The following EPCIP variants were observed in gnomAD, a reference collection of about 807,000 sequenced individuals.
EPCIP encodes the protein exosomal polycystin 1 interacting protein.
chr21:32,793,085 G>A, the EPCIP span, among the ~76,000 whole-genome samples: 2 of 151,946 alleles, frequency 1.3e-5, no homozygotes, highest in Non-Finnish European at 2.9e-5. Context: ...CAGCCTCCGA[G>A]TAGCTGGGAT....
chr21:32,796,034 C>CTCCTTCCTTCCT, the EPCIP span, among the ~76,000 whole-genome samples: 31 of 148,452 alleles, frequency 2.1e-4, no homozygotes, highest in African/African-American at 7.0e-4. Flanking sequence ...CCTTCCTTCC[C>CTCCTTCCTTCCT]TCCTTCCTTC....
chr21:32,805,709 C>T, the EPCIP span, among the ~76,000 whole-genome samples: 8 of 152,122 alleles, frequency 5.3e-5, no homozygotes, highest in Admixed American at 1.3e-4. Flanking sequence ...AATACAGAGA[C>T]GGTGAGGAAA....
chr21:32,791,283 T>A, the EPCIP span: 8 of 152,226 alleles, frequency 5.3e-5, no homozygotes, highest in Non-Finnish European at 1.2e-4. Context: ...TCACAAGTAT[T>A]TCTCAAAAGA....
At chr21:32,809,184 T>TGC in the EPCIP span, among the ~76,000 whole-genome samples, 1 of 106,758 alleles carries the variant, frequency 9.4e-6, no homozygotes, top group East Asian at 2.4e-4. Context: ...GAGGGGTGCG[T>TGC]GTGTGTGTGT....
At chr21:32,812,876 C>A in the EPCIP span, among the ~76,000 whole-genome samples, 1 of 151,990 alleles carries the variant, frequency 6.6e-6, no homozygotes, top group African/African-American at 2.4e-5. Flanking sequence ...TAAAACATTC[C>A]CCTCTTCATC....
At chr21:32,795,480 T>A in the EPCIP span, among the ~76,000 whole-genome samples, 1 of 152,114 alleles carries the variant, frequency 6.6e-6, no homozygotes, top group Admixed American at 6.5e-5. Context: ...GTAATAACAT[T>A]CCCCCAATGA....
the EPCIP span, among the ~76,000 whole-genome samples, chr21:32,809,274 T>TCCCTC: frequency 4.0e-5 from 4 of 100,086 alleles, no homozygotes; most frequent in Non-Finnish European, 8.3e-5. Context: ...CTTCCCTCCC[T>TCCCTC]CCTTCCTTTC....
the EPCIP span, among the ~76,000 whole-genome samples, chr21:32,792,142 G>T: frequency 6.6e-6 from 1 of 152,130 alleles, no homozygotes; most frequent in Non-Finnish European, 1.5e-5. Context: ...GACCTCAGGT[G>T]ATCCGCCTGC....
chr21:32,811,801 A>G, the EPCIP span, among the ~76,000 whole-genome samples: 1 of 152,252 alleles, frequency 6.6e-6, no homozygotes, highest in Non-Finnish European at 1.5e-5. Flanking sequence ...CGGTGCCCTC[A>G]TGAATGGATT....
At chr21:32,802,491 G>A in the EPCIP span, among the ~76,000 whole-genome samples, 1 of 152,210 alleles carries the variant, frequency 6.6e-6, no homozygotes, top group Non-Finnish European at 1.5e-5. Flanking sequence ...GGTTGCCAGG[G>A]AGAGACTGAA....
chr21:32,795,925 A>T, the EPCIP span, among the ~76,000 whole-genome samples: 1 of 151,614 alleles, frequency 6.6e-6, no homozygotes, highest in Non-Finnish European at 1.5e-5. Context: ...TCATGCATTC[A>T]TCCCTCCCTT....
At chr21:32,809,282 TTCTTTC>T in the EPCIP span, among the ~76,000 whole-genome samples, 3 of 87,738 alleles carry the variant, frequency 3.4e-5, no homozygotes, top group Admixed American at 1.5e-4. Flanking sequence ...CCTCCTTCCT[TTCTTTC>T]TTTCTTTCTT....
chr21:32,806,855 G>C, the EPCIP span, among the ~76,000 whole-genome samples: 3 of 152,176 alleles, frequency 2.0e-5, no homozygotes, highest in African/African-American at 7.2e-5. Flanking sequence ...ACATACCCAA[G>C]CCTGGGTAAT....
the EPCIP span, among the ~76,000 whole-genome samples, chr21:32,800,821 ACC>A: frequency 1.9e-4 from 4 of 21,548 alleles, no homozygotes; most frequent in African/African-American, 4.4e-4. Context: ...CAAAAAAAAA[ACC>A]AAAAAAAAAA....
the EPCIP span, among the ~76,000 whole-genome samples, chr21:32,802,999 AC>A: frequency 6.6e-6 from 1 of 152,140 alleles, no homozygotes; most frequent in African/African-American, 2.4e-5. Flanking sequence ...CACGAGAAAA[AC>A]ATAGCTCATT....
At chr21:32,806,940 C>T in the EPCIP span, among the ~76,000 whole-genome samples, 4 of 152,146 alleles carry the variant, frequency 2.6e-5, no homozygotes, top group South Asian at 4.1e-4. Flanking sequence ...GAAAGTGAGT[C>T]GTGTCTCACA....
At chr21:32,796,946 T>A in the EPCIP span, 1 of 470,812 alleles carries the variant, frequency 2.1e-6, no homozygotes, top group Non-Finnish European at 4.4e-6. Flanking sequence ...CAGGTGCTGA[T>A]CCTTTTAGAG....
the EPCIP span, among the ~76,000 whole-genome samples, chr21:32,801,264 G>C: frequency 0.089 from 13,555 of 152,260 alleles, 707 homozygotes; most frequent in South Asian, 0.18. Flanking sequence ...TGTCAAAGCA[G>C]CTAGCCTACC....
At chr21:32,796,661 A>T in the EPCIP span, among the ~76,000 whole-genome samples, 1 of 152,242 alleles carries the variant, frequency 6.6e-6, no homozygotes, top group Non-Finnish European at 1.5e-5. Flanking sequence ...CAAGAGGCTT[A>T]ACAGTCTTAA....
Sources: allele counts gnomAD v4.1 joint callset (sites outside exome capture counted in the v4.1 genomes callset), GRCh38; gene constraint gnomAD v4.1.1; transcripts MANE v1.5; gene names NCBI Gene and HGNC (gene_info 2026-07-23, HGNC 2026-07-21).